The following A1CF variants were observed in gnomAD, a reference collection of about 807,000 sequenced individuals.
A1CF encodes the protein APOBEC1 complementation factor.
A1CF carries 48 observed loss-of-function variants against 68.9 expected under a neutral mutation model. The observed-to-expected ratio is 0.70, with a 90% CI of 0.55 to 0.89. A1CF has a LOEUF of 0.89. A1CF is among the 40% of genes least tolerant of loss of function. The pLI, the probability that A1CF is intolerant of heterozygous loss-of-function variation, is 0.00. For missense variants in A1CF, 653 were observed against 718.9 expected, an observed-to-expected ratio of 0.91 and a Z score of 1.05; for synonymous variants, 272 against 260.4, an observed-to-expected ratio of 1.04 and a Z score of -0.43.
chr10:50,810,338 C>T (rs7089428), intron 11 of A1CF, among the ~76,000 whole-genome samples: 4 of 151,994 alleles, frequency 2.6e-5, no homozygotes, highest in Non-Finnish European at 5.9e-5. Flanking sequence ...AATGCAGGCT[C>T]AAGGTAAAAT....
chr10:50,816,502 A>C, intron 8 of A1CF: 1 of 544,346 alleles, frequency 1.8e-6, no homozygotes, highest in Non-Finnish European at 3.3e-6. Flanking sequence ...ACAGTGACAT[A>C]TTGGCCAGTG....
chr10:50,844,136 G>A lies in A1CF; in HGVS notation c.100-14C>T. The A allele has an allele frequency of 4.3e-6, 7 of 1,609,886 alleles. No homozygotes were observed. Among genetic ancestry groups the A allele is most frequent in the Non-Finnish European group, 5.1e-6 (6 of 1,178,952 alleles). ...TTGTCCATTTTCCTGCAAATCCAGG[G>A]CAGGTGTGAAGGAGAGGAGAAAATG... On this transcript the variant is annotated splice_polypyrimidine_tract_variant and intron_variant, in intron 3 of 12. Coordinates refer to ENST00000373997, the MANE Select transcript of A1CF (RefSeq NM_014576.4).
chr10:50,839,577 A>G (rs563880485), intron 5 of A1CF, among the ~76,000 whole-genome samples: 1 of 152,280 alleles, frequency 6.6e-6, no homozygotes, highest in South Asian at 2.1e-4. Flanking sequence ...ACTGCAAACA[A>G]TCCTCCACAT....
At chr10:50,866,539 G>T (rs1236378627) in intron 1 of A1CF, among the ~76,000 whole-genome samples, 1 of 152,232 alleles carries the variant, frequency 6.6e-6, no homozygotes. Flanking sequence ...TTTCAGGGAA[G>T]TTGGCAGGGA....
intron 1 of A1CF, among the ~76,000 whole-genome samples, chr10:50,874,163 G>A (rs1290565809): frequency 4.6e-5 from 7 of 152,144 alleles, no homozygotes; most frequent in African/African-American, 1.4e-4. Context: ...GGAAAGTTAA[G>A]CATATTCATC....
intron 12 of A1CF, 82 bp from the exon 13 acceptor site, chr10:50,806,962 C>G (rs151063908): frequency 1.4e-6 from 2 of 1,400,688 alleles, no homozygotes; most frequent in Admixed American, 4.4e-5. Flanking sequence ...TTTAGAAATA[C>G]GAACATTTAA....
At chr10:50,869,415 T>C (rs965473744) in intron 1 of A1CF, among the ~76,000 whole-genome samples, 4 of 152,134 alleles carry the variant, frequency 2.6e-5, no homozygotes, top group African/African-American at 9.7e-5. Context: ...CTCCTGTTTC[T>C]CCAATGCAGA....
chr10:50,858,967 T>C (rs531972242), intron 3 of A1CF, among the ~76,000 whole-genome samples: 1 of 151,776 alleles, frequency 6.6e-6, no homozygotes, highest in Non-Finnish European at 1.5e-5. Context: ...AATTAAAAAA[T>C]AAATGTATAT....
chr10:50,835,038 G>A (rs1839422915), intron 6 of A1CF, among the ~76,000 whole-genome samples: 1 of 152,162 alleles, frequency 6.6e-6, no homozygotes, highest in Non-Finnish European at 1.5e-5. Context: ...TAGATGACTT[G>A]ACCAAATGCT....
intron 12 of A1CF, 139 bp from the exon 13 acceptor site, chr10:50,807,019 C>T (rs1837865270): frequency 1.2e-6 from 1 of 828,476 alleles, no homozygotes; most frequent in East Asian, 2.8e-5. Context: ...TAAAAAGTGT[C>T]CTTAAGGACA....
chr10:50,809,766 TC>T, intron 12 of A1CF, 127 bp downstream of exon 12: 1 of 1,398,768 alleles, frequency 7.1e-7, no homozygotes, highest in Non-Finnish European at 9.7e-7. Context: ...CTCTTTTTGG[TC>T]CCAAGGTTGT....
At chr10:50,870,067 ATAATT>A (rs1262950440) in intron 1 of A1CF, among the ~76,000 whole-genome samples, 1 of 151,874 alleles carries the variant, frequency 6.6e-6, no homozygotes, top group Non-Finnish European at 1.5e-5. Context: ...GGTACATGTG[ATAATT>A]TAATCCATTT....
chr10:50,818,951 G>C (rs1362412696), intron 8 of A1CF, among the ~76,000 whole-genome samples: 3 of 152,076 alleles, frequency 2.0e-5, no homozygotes, highest in African/African-American at 7.2e-5. Flanking sequence ...GTTCTACATG[G>C]GGTCCTCTTT....
intron 12 of A1CF, 73 bp from the exon 13 acceptor site, chr10:50,806,953 T>A: frequency 6.8e-7 from 1 of 1,465,194 alleles, no homozygotes; most frequent in South Asian, 1.3e-5. Flanking sequence ...TTGTCTTCTT[T>A]TAGAAATACG....
chr10:50,880,071 G>A (rs531580243), intron 1 of A1CF, among the ~76,000 whole-genome samples: 7 of 152,122 alleles, frequency 4.6e-5, no homozygotes, highest in Non-Finnish European at 1.0e-4. Flanking sequence ...ATCCACAGAG[G>A]GTTCAGGTTC....
intron 1 of A1CF, among the ~76,000 whole-genome samples, chr10:50,879,919 C>T (rs1423640350): frequency 6.6e-6 from 1 of 152,122 alleles, no homozygotes; most frequent in Non-Finnish European, 1.5e-5. Flanking sequence ...AGTCTGGGCA[C>T]AGCAAGGAAG....
intron 6 of A1CF, among the ~76,000 whole-genome samples, chr10:50,835,224 A>G (rs974236906): frequency 2.0e-5 from 3 of 152,086 alleles, no homozygotes; most frequent in South Asian, 2.1e-4. Context: ...AGTTTTGAAG[A>G]TATCTAGGGG....
chr10:50,872,686 C>T (rs564861062), intron 1 of A1CF, among the ~76,000 whole-genome samples: 2 of 152,068 alleles, frequency 1.3e-5, no homozygotes, highest in South Asian at 2.1e-4. Context: ...GCCTCTTTGC[C>T]GGAATGAAAG....
intron 3 of A1CF, among the ~76,000 whole-genome samples, chr10:50,845,555 C>G (rs1839959350): frequency 6.6e-6 from 1 of 152,120 alleles, no homozygotes; most frequent in African/African-American, 2.4e-5. Context: ...GTGGAGAAGC[C>G]AGAATTTGAA....
Sources: allele counts gnomAD v4.1 joint callset (sites outside exome capture counted in the v4.1 genomes callset), GRCh38; gene constraint gnomAD v4.1.1; transcripts MANE v1.5; gene names NCBI Gene and HGNC (gene_info 2026-07-23, HGNC 2026-07-21).